Variants in PGLS observed in about 807,000 individuals in gnomAD.
PGLS encodes the protein epididymis secretory protein Li 304.
PGLS carries 21 observed loss-of-function variants against 23.2 expected under a neutral mutation model. The ratio of observed to expected loss-of-function variants is 0.91; its 90% confidence interval spans 0.64 to 1.31. The LOEUF (loss-of-function observed/expected upper bound fraction) is 1.31. PGLS is among the 50% of genes most tolerant of loss of function. The pLI is 0.00. For missense variants in PGLS, 410 were observed against 354.0 expected (o/e 1.16, Z -1.27); for synonymous variants, 179 against 165.4 (o/e 1.08, Z -0.63).
intron 1 of PGLS, 56 bp from the exon 2 acceptor site, chr19:17,516,117 G>A (rs1467776002): frequency 1.5e-6 from 2 of 1,325,502 alleles, no homozygotes; most frequent in Middle Eastern, 1.8e-4. Context: ...TAAACTCCCT[G>A]GAGGATCCAG....
At chr19:17,515,930 C>T in intron 1 of PGLS, 3 of 384,472 alleles carry the variant, frequency 7.8e-6, no homozygotes, top group South Asian at 5.5e-5. Flanking sequence ...TGCCCTTGAA[C>T]CTCCTCTGCC....
intron 2 of PGLS, among the ~76,000 whole-genome samples, 154 bp from the exon 3 acceptor site, chr19:17,517,134 C>T (rs1405036318): frequency 9.2e-5 from 14 of 152,094 alleles, no homozygotes; most frequent in African/African-American, 2.4e-4. Context: ...CCACCTACCT[C>T]GGCCTCCCAA....
chr19:17,516,624 G>A (rs1196672642), intron 2 of PGLS: 6 of 741,842 alleles, frequency 8.1e-6, no homozygotes, highest in South Asian at 3.6e-5. Flanking sequence ...TCACTCTGTC[G>A]CCCAGGCTGG....
intron 2 of PGLS, 165 bp downstream of exon 2, chr19:17,516,445 C>T: frequency 1.4e-6 from 2 of 1,408,680 alleles, no homozygotes; most frequent in East Asian, 2.6e-5. Flanking sequence ...CCCTGGGGAG[C>T]CTGAAGGCCA....
chr19:17,518,211 A>G (rs1220401953), intron 4 of PGLS: 1 of 164,284 alleles, frequency 6.1e-6, no homozygotes, highest in Non-Finnish European at 1.3e-5. Context: ...AAAGGACAAT[A>G]ATATAAATCT....
In PGLS at chr19:17,516,101, C is replaced by T. The variant is rs917216392; in HGVS notation, c.289-72C>T. On this transcript the variant is annotated intron_variant, in intron 1 of 4. Transcript: ENST00000252603. Reference sequence around the variant, plus strand: ...TCTGTAAATGAGTGTTATGACGGTACTGTCATAAACTCCCTGGAGGATCCA... The same window carrying T: ...TCTGTAAATGAGTGTTATGACGGTATTGTCATAAACTCCCTGGAGGATCCA... 8.9e-5 allele frequency: 101 copies of T among 1,128,884 alleles called. 1 individual carries two copies. The highest frequency in any genetic ancestry group is 2.4e-5 in the Non-Finnish European group (18 of 747,826). The allele number at this position is 1,128,884 out of a possible 1,614,324, so 69.9% of individuals were successfully genotyped here. A position where few individuals can be genotyped will look rare whatever the true frequency, so the allele number is the denominator to read the frequency against.
intron 2 of PGLS, 184 bp downstream of exon 2, chr19:17,516,464 C>G: frequency 7.1e-7 from 1 of 1,399,436 alleles, no homozygotes. Context: ...CACTCGGCCT[C>G]TGTTGCCCAG....
chr19:17,512,972 A>C (rs1012683319), intron 1 of PGLS: 1 of 152,290 alleles, frequency 6.6e-6, no homozygotes, highest in Non-Finnish European at 1.5e-5. Context: ...AGAAGAGGTG[A>C]GCTTACCTGC....
intron 2 of PGLS, among the ~76,000 whole-genome samples, chr19:17,516,733 C>T (rs62126806): frequency 0.1 from 15,191 of 150,956 alleles, 892 homozygotes; most frequent in Admixed American, 0.16. Flanking sequence ...TACGGGTGCC[C>T]GCCACCACGC....
chr19:17,515,521 C>G (rs562039587), intron 1 of PGLS, among the ~76,000 whole-genome samples: 1 of 152,284 alleles, frequency 6.6e-6, no homozygotes, highest in African/African-American at 2.4e-5. Flanking sequence ...CTACTGTGCG[C>G]TAGCCACAGG....
In PGLS at chr19:17,517,407, G is replaced by T; in HGVS notation, c.498+18G>T. 1 of 1,579,886 alleles carries T rather than the reference G, an allele frequency of 6.3e-7. No homozygotes were observed. Among genetic ancestry groups the T allele is most frequent in the Non-Finnish European group, 8.7e-7 (1 of 1,149,640 alleles). On this transcript the variant is annotated intron_variant, in intron 3 of 4. Coordinates refer to ENST00000252603, the MANE Select transcript of PGLS (RefSeq NM_012088.3). ...TCCTACAGGTGAGCACACCAATGCG[G>T]GGTTCCACCCTAGTCCTGAGCCCAG...
rs374381759 is a variant in PGLS, at chr19:17,517,704, C to T, written c.499-6C>T. 1.9e-6 allele frequency: 3 copies of T among 1,613,994 alleles called. No individual in the cohort carries two copies. The highest frequency in any genetic ancestry group is 2.5e-6 in the Non-Finnish European group (3 of 1,180,000). On this transcript the variant is annotated splice_region_variant and splice_polypyrimidine_tract_variant and intron_variant, in intron 3 of 4. Coordinates refer to ENST00000252603, the MANE Select transcript of PGLS (RefSeq NM_012088.3). The stretch of plus-strand genomic sequence containing the variant: ...TCTGCCTCCATCCCTGGGCTTCCTC[C>T]CCAAGGAGCGGGAGAAGATTGTGGC...
At chr19:17,516,048 C>T (rs1339529946) in intron 1 of PGLS, 125 bp from the exon 2 acceptor site, 21 of 696,558 alleles carry the variant, frequency 3.0e-5, no homozygotes, top group Admixed American at 4.4e-5. Flanking sequence ...CACAAATGCA[C>T]CAGCCTCCCC....
rs753593570 is a variant in PGLS at position 17,511,775 on chromosome 19, G to C, written c.103G>C (p.Ala35Pro). 3 of 1,496,896 alleles carry C rather than the reference G, an allele frequency of 2.0e-6. No individual in the cohort carries two copies. The highest frequency in any genetic ancestry group is 2.7e-6 in the Non-Finnish European group (3 of 1,130,078). The allele number at this position is 1,496,896 out of a possible 1,614,324, so 92.7% of individuals were successfully genotyped here. A position where few individuals can be genotyped will look rare whatever the true frequency, so the allele number is the denominator to read the frequency against. ...LVAQRAACCLAGARARFALGL... is the reference protein window; with the variant it reads ...LVAQRAACCLPGARARFALGL... ...GGCCCAGCGCGCAGCATGCTGCCTG[G>C]CAGGGGCCCGCGCCCGTTTCGCGCT... The change falls in exon 1 of 5, where the codon GCA becomes CCA. Residue 35 changes from alanine (A) to proline (P), a missense_variant. Transcript: ENST00000252603.
chr19:17,512,556 A>T (rs2075514231), intron 1 of PGLS: 1 of 152,276 alleles, frequency 6.6e-6, no homozygotes, highest in Non-Finnish European at 1.5e-5. Flanking sequence ...CTCTAACCCC[A>T]GCGAGTTCTC....
At chr19:17,520,253 A>C (rs2075550885) in intron 4 of PGLS, among the ~76,000 whole-genome samples, 1 of 152,154 alleles carries the variant, frequency 6.6e-6, no homozygotes, top group Non-Finnish European at 1.5e-5. Flanking sequence ...TCTACTAAAA[A>C]TATAAAAAAT....
At chr19:17,515,585 C>T (rs1000956483) in intron 1 of PGLS, among the ~76,000 whole-genome samples, 29 of 151,994 alleles carry the variant, frequency 1.9e-4, no homozygotes, top group Admixed American at 4.6e-4. Context: ...CAGGTGCAGG[C>T]GGGGGTGGCT....
At chr19:17,518,405 A>T (rs1031989652) in intron 4 of PGLS, 1 of 152,248 alleles carries the variant, frequency 6.6e-6, no homozygotes, top group Admixed American at 6.5e-5. Context: ...AAAGTATTTT[A>T]GGAAAATACA....
intron 1 of PGLS, among the ~76,000 whole-genome samples, chr19:17,514,747 G>T (rs962893091): frequency 4.6e-5 from 7 of 152,032 alleles, no homozygotes; most frequent in African/African-American, 1.7e-4. Context: ...CCGCCTCCTG[G>T]GTTCAAGTGA....
Sources: gnomAD v4.1 joint callset for allele counts (sites outside exome capture counted in the v4.1 genomes callset) on GRCh38, gnomAD v4.1.1 for gene constraint, MANE v1.5 for transcripts, NCBI Gene and HGNC (gene_info 2026-07-23, HGNC 2026-07-21) for gene names.